The following FXR1 variants were observed in gnomAD, a reference collection of about 807,000 sequenced individuals.
FXR1 encodes RNA-binding protein FXR1.
FXR1 carries 15 observed loss-of-function variants against 84.0 expected under a neutral mutation model. The ratio of observed to expected loss-of-function variants is 0.18; its 90% CI spans 0.12 to 0.27. The LOEUF is 0.27. Ranked by LOEUF, FXR1 falls within the 10% of genes least tolerant of loss-of-function variation. The probability of loss-of-function intolerance (pLI) is 1.00; values close to 1 mark genes in which losing one functional copy is unlikely to be tolerated. For synonymous variants in FXR1, 245 were observed against 250.7 expected, an observed-to-expected ratio of 0.98 and a Z score of 0.21; for missense variants, 480 against 774.4, an observed-to-expected ratio of 0.62 and a Z score of 4.51.
At chr3:180,939,641 G>A (rs1384148513) in intron 3 of FXR1, among the ~76,000 whole-genome samples, 1 of 152,156 alleles carries the variant, frequency 6.6e-6, no homozygotes, top group East Asian at 1.9e-4. Flanking sequence ...GTCACAAAAC[G>A]GTTTGTGTCC....
intron 5 of FXR1, 39 bp from the exon 6 acceptor site, chr3:180,948,682 T>C (rs1221188186): frequency 1.1e-5 from 12 of 1,099,812 alleles, no homozygotes; most frequent in Non-Finnish European, 1.7e-5. Context: ...GACTTTAATC[T>C]GTTATTGAGT....
chr3:180,936,748 A>G (rs755088327), intron 3 of FXR1, among the ~76,000 whole-genome samples: 1 of 152,230 alleles, frequency 6.6e-6, no homozygotes, highest in Non-Finnish European at 1.5e-5. Context: ...GACTTGGCTC[A>G]TGGCACCCTG....
intron 1 of FXR1, among the ~76,000 whole-genome samples, chr3:180,917,125 C>T (rs927140219): frequency 6.6e-6 from 1 of 152,200 alleles, no homozygotes; most frequent in Non-Finnish European, 1.5e-5. Flanking sequence ...CGTGAGCCAC[C>T]GCGCCTGGCC....
At chr3:180,932,086 A>AAAAAAAAAAC (rs1337496204) in intron 1 of FXR1, among the ~76,000 whole-genome samples, 2 of 150,494 alleles carry the variant, frequency 1.3e-5, no homozygotes, top group Non-Finnish European at 3.0e-5. Context: ...AAAAAAAAAA[A>AAAAAAAAAAC]AAAACAACTT....
Position 180,912,724 on chromosome 3 carries a change from G to C in FXR1, c.39G>C (p.Gly13=). The change falls in exon 1 of 17, where the codon GGG becomes GGC. Residue 13 remains glycine, a synonymous_variant. Coordinates refer to ENST00000357559, the MANE Select transcript of FXR1 (RefSeq NM_005087.4). ...CGGTGGAGGTTCGCGGCTCTAACGG[G>C]GCTTTCTACAAGGTACTGACCGTTT... ...ELTVEVRGSN[G]AFYKGFIKDV... is the part of the protein sequence containing the mutation. The C allele has an allele frequency of 1.2e-6, 2 of 1,614,108 alleles. No homozygotes were observed. The highest frequency in any genetic ancestry group is 1.7e-6 in the Non-Finnish European group (2 of 1,180,014).
chr3:180,961,476 T>C lies in FXR1; in HGVS notation c.999T>C (p.Val333=). 1 of 1,528,158 alleles carries C rather than the reference T, an allele frequency of 6.5e-7. No homozygotes were observed. The allele number at this position is 1,528,158 out of a possible 1,614,324, so 94.7% of individuals were successfully genotyped here. Residue 333 remains valine, a synonymous_variant, in exon 11 of 17, where the codon GTT becomes GTC. Transcript: ENST00000357559. ...ENKLPREDGM[V]PFVFVGTKES... is the part of the protein sequence containing the mutation. Reference sequence around the variant, plus strand: ...TTTTTTTTTTTAAACAGGGTATGGTTCCATTTGTATTTGTTGGCACTAAAG... The same window carrying C: ...TTTTTTTTTTTAAACAGGGTATGGTCCCATTTGTATTTGTTGGCACTAAAG...
chr3:180,950,053 C>G (rs1195899866), intron 7 of FXR1, among the ~76,000 whole-genome samples: 4 of 152,136 alleles, frequency 2.6e-5, no homozygotes, highest in African/African-American at 9.7e-5. Context: ...CATCATGTGG[C>G]ATGTAGTATT....
chr3:180,968,857 T>G (rs1049416829), intron 14 of FXR1, among the ~76,000 whole-genome samples: 3 of 152,200 alleles, frequency 2.0e-5, no homozygotes, highest in African/African-American at 7.2e-5. Flanking sequence ...CATTAAGTTG[T>G]AGGAGTTTCC....
intron 14 of FXR1, 76 bp downstream of exon 14, chr3:180,968,330 G>C (rs1484953661): frequency 1.0e-6 from 1 of 971,404 alleles, no homozygotes; most frequent in Non-Finnish European, 1.6e-6. Flanking sequence ...TCATCTCCCA[G>C]GGCCACCCAT....
chr3:180,959,643 C>T (rs1711831517), intron 10 of FXR1, among the ~76,000 whole-genome samples: 1 of 151,448 alleles, frequency 6.6e-6, no homozygotes, highest in Non-Finnish European at 1.5e-5. Flanking sequence ...TCTTGCCCTC[C>T]CACCCCCCTT....
At chr3:180,959,408 A>G in intron 10 of FXR1, among the ~76,000 whole-genome samples, 1 of 151,758 alleles carries the variant, frequency 6.6e-6, no homozygotes. Flanking sequence ...CTTATACATT[A>G]GCAGAAGATT....
intron 7 of FXR1, among the ~76,000 whole-genome samples, chr3:180,950,280 T>A (rs1259739255): frequency 6.6e-6 from 1 of 152,246 alleles, no homozygotes; most frequent in African/African-American, 2.4e-5. Flanking sequence ...CTCATTAATT[T>A]AAAAATTCTG....
chr3:180,962,278 T>C (rs1263485973), intron 11 of FXR1, among the ~76,000 whole-genome samples: 1 of 152,236 alleles, frequency 6.6e-6, no homozygotes, highest in Non-Finnish European at 1.5e-5. Context: ...TCATTTCTTT[T>C]CTTTTGAAAT....
At chr3:180,969,018 T>C (rs999417365) in intron 14 of FXR1, among the ~76,000 whole-genome samples, 83 of 152,312 alleles carry the variant, frequency 5.4e-4, no homozygotes, top group African/African-American at 1.7e-3. Context: ...TGAAAACTTA[T>C]GTAGTATTTT....
chr3:180,926,987 A>T (rs1719306251), intron 1 of FXR1, among the ~76,000 whole-genome samples: 1 of 152,096 alleles, frequency 6.6e-6, no homozygotes, highest in Non-Finnish European at 1.5e-5. Context: ...AAGATACCTG[A>T]TCTATTGATC....
Position 180,968,244 on chromosome 3 carries a change from C to T in FXR1, c.1392C>T (p.Ser464=). The T allele has an allele frequency of 1.3e-6, 2 of 1,599,970 alleles. No homozygotes were observed. The highest frequency in any genetic ancestry group is 2.2e-5 in the South Asian group (2 of 90,756). Residue 464 remains serine (S), a synonymous_variant, in exon 14 of 17, where the codon TCC becomes TCT. Transcript: ENST00000357559. The part of the protein sequence containing the change: ...GRGGPRGGKS[S]ISSVLKDPDS... ...GTGGACCACGTGGTGGCAAATCCTC[C>T]ATCAGTTCTGGTAGTCTTTTCTATA... is the stretch of plus-strand genomic sequence containing the variant.
intron 3 of FXR1, among the ~76,000 whole-genome samples, chr3:180,939,510 G>GGAA (rs1486846214): frequency 6.6e-6 from 1 of 152,140 alleles, no homozygotes; most frequent in Non-Finnish European, 1.5e-5. Context: ...TCGGGGTGAG[G>GGAA]GAAGGGGCTT....
In FXR1 at chr3:180,975,365, C is replaced by A. The variant is rs752011454; in HGVS notation, c.1656C>A (p.Asn552Lys). The change falls in exon 16 of 17, where the codon AAC becomes AAA. Residue 552 changes from asparagine to lysine, a missense_variant. Transcript: ENST00000357559. ...CTGAGTCTCAGAGCAGACAAAGAAA[C>A]CTCCCAAGGGAAACTTTGGCTAAAA... ...SRAESQSRQR[N>K]LPRETLAKNK... The A allele has an allele frequency of 9.7e-6, 15 of 1,540,226 alleles. No homozygotes were observed. In the South Asian group the frequency reaches 1.6e-4, roughly 17 times the overall value.
At chr3:180,928,931 G>A (rs567348082) in intron 1 of FXR1, among the ~76,000 whole-genome samples, 19 of 150,122 alleles carry the variant, frequency 1.3e-4, no homozygotes, top group African/African-American at 4.7e-4. Flanking sequence ...TTTTTTGTTT[G>A]TTTTTTTTTA....
Sources: gnomAD v4.1 joint callset for allele counts (sites outside exome capture counted in the v4.1 genomes callset) on GRCh38, gnomAD v4.1.1 for gene constraint, MANE v1.5 for transcripts, NCBI Gene and HGNC (gene_info 2026-07-23, HGNC 2026-07-21) for gene names.